PPP3CA: variants seen among roughly 807,000 people sequenced by gnomAD.
PPP3CA encodes CAM-PRP catalytic subunit.
In PPP3CA, 14 loss-of-function variants were observed where a neutral mutation model predicts 66.5. That is an observed-to-expected ratio of 0.21 (90% confidence interval 0.14 to 0.33). The LOEUF is 0.33. PPP3CA is among the 10% of genes least tolerant of loss of function. The pLI, the probability that PPP3CA is intolerant of heterozygous loss-of-function variation, is 1.00. For missense variants in PPP3CA, 317 were observed against 639.5 expected, an observed-to-expected ratio of 0.50 and a Z score of 5.44; for synonymous variants, 232 against 226.2, an observed-to-expected ratio of 1.03 and a Z score of -0.23.
At chr4:101,278,490 T>C (rs1727580896) in intron 1 of PPP3CA, among the ~76,000 whole-genome samples, 1 of 152,162 alleles carries the variant, frequency 6.6e-6, no homozygotes, top group Admixed American at 6.6e-5. Context: ...CCTCTCCATA[T>C]TGAACTTGGA....
chr4:101,132,427 G>A lies in PPP3CA; in HGVS notation c.260-23349C>T, dbSNP rs529754146. Among the ~76,000 whole-genome samples the A allele has an allele frequency of 2.7e-3, 418 of 152,208 alleles. 1 individual carries two copies. The highest frequency in any genetic ancestry group is 4.8e-3 in the Non-Finnish European group (329 of 68,014). Reference sequence around the variant, plus strand: ...AAATGATAAAGGGGTGATCACCACTGATCCCACAGAAATAAAAACTACCAT... The same window carrying A: ...AAATGATAAAGGGGTGATCACCACTAATCCCACAGAAATAAAAACTACCAT... On this transcript the variant is annotated intron_variant, in intron 2 of 13. Transcript: ENST00000394854.
chr4:101,136,279 G>A (rs895650488), intron 2 of PPP3CA, among the ~76,000 whole-genome samples: 2 of 152,114 alleles, frequency 1.3e-5, no homozygotes, highest in African/African-American at 4.8e-5. Context: ...CATCAGCCGG[G>A]TGTGTAATCC....
intron 1 of PPP3CA, among the ~76,000 whole-genome samples, chr4:101,322,955 A>C (rs1410689068): frequency 1.3e-5 from 2 of 152,198 alleles, no homozygotes; most frequent in African/African-American, 4.8e-5. Context: ...TACACTCAGC[A>C]TATATATGTG....
At chr4:101,178,399 C>A (rs1384817493) in intron 2 of PPP3CA, among the ~76,000 whole-genome samples, 2 of 152,052 alleles carry the variant, frequency 1.3e-5, no homozygotes, top group Non-Finnish European at 2.9e-5. Context: ...AGCAAAAAAT[C>A]AAAATCTGCT....
intron 1 of PPP3CA, among the ~76,000 whole-genome samples, chr4:101,210,699 T>C (rs1725273796): frequency 6.6e-6 from 1 of 152,196 alleles, no homozygotes; most frequent in Non-Finnish European, 1.5e-5. Context: ...CATAAAAATA[T>C]ATTTTGATTA....
intron 1 of PPP3CA, among the ~76,000 whole-genome samples, chr4:101,284,140 T>C (rs1217011641): frequency 6.6e-6 from 1 of 152,208 alleles, no homozygotes; most frequent in Non-Finnish European, 1.5e-5. Context: ...CCTCTTTTCG[T>C]AAACTGCTAG....
At chr4:101,315,257 C>T (rs920511995) in intron 1 of PPP3CA, among the ~76,000 whole-genome samples, 3 of 152,172 alleles carry the variant, frequency 2.0e-5, no homozygotes, top group Non-Finnish European at 4.4e-5. Context: ...CATGCTGGCA[C>T]CCTGACTTCC....
chr4:101,120,204 CAA>C (rs1191447318), intron 2 of PPP3CA, among the ~76,000 whole-genome samples: 1 of 151,990 alleles, frequency 6.6e-6, no homozygotes, highest in African/African-American at 2.4e-5. Context: ...AATATCCAAA[CAA>C]TGAATAAAAC....
At chr4:101,029,906 T>G (rs545941445) in intron 12 of PPP3CA, among the ~76,000 whole-genome samples, 24 of 151,870 alleles carry the variant, frequency 1.6e-4, no homozygotes, top group Non-Finnish European at 2.6e-4. Context: ...AATTATGTTT[T>G]CTTTTCCTTA....
intron 1 of PPP3CA, among the ~76,000 whole-genome samples, chr4:101,248,311 ATTCC>A (rs1432661990): frequency 6.6e-6 from 1 of 152,230 alleles, no homozygotes; most frequent in African/African-American, 2.4e-5. Flanking sequence ...CTAGATTAGA[ATTCC>A]TTCATGTAGT....
rs1411047086 is a variant in PPP3CA at position 101,083,329 on chromosome 4, C to CT, written c.783-67dup. On this transcript the variant is annotated intron_variant, in intron 6 of 13. Coordinates refer to ENST00000394854, the MANE Select transcript of PPP3CA (RefSeq NM_000944.5). ...ATCATCAGGAGTAGCACATTTATCT[C>CT]TAACATCCAGATCTATGTGACTGGA... is the stretch of plus-strand genomic sequence containing the variant. 6.0e-6 allele frequency: 8 copies of CT among 1,332,706 alleles called. No homozygotes were observed. In the African/African-American group the frequency reaches 1.2e-4, roughly 19 times the overall value. The allele number at this position is 1,332,706 out of a possible 1,614,324, so 82.6% of individuals were successfully genotyped here.
intron 2 of PPP3CA, among the ~76,000 whole-genome samples, chr4:101,141,454 C>G (rs532113412): frequency 6.6e-6 from 1 of 152,262 alleles, no homozygotes; most frequent in Admixed American, 6.5e-5. Context: ...GCTTCCCTCT[C>G]TCCTAGTCAT....
intron 1 of PPP3CA, among the ~76,000 whole-genome samples, chr4:101,275,081 C>T (rs1000184142): frequency 6.6e-6 from 1 of 152,108 alleles, no homozygotes; most frequent in Non-Finnish European, 1.5e-5. Context: ...TTCACTGACC[C>T]TACTTCCTCA....
intron 1 of PPP3CA, among the ~76,000 whole-genome samples, chr4:101,215,560 C>T (rs1725427911): frequency 6.6e-6 from 1 of 151,892 alleles, no homozygotes; most frequent in Non-Finnish European, 1.5e-5. Context: ...TAATTTGTTA[C>T]AGTGAAAGCA....
chr4:101,182,436 T>C (rs1038376864), intron 2 of PPP3CA, among the ~76,000 whole-genome samples: 9 of 152,156 alleles, frequency 5.9e-5, no homozygotes, highest in Non-Finnish European at 1.2e-4. Context: ...GAGCCTGCTC[T>C]TGAGCATTGT....
chr4:101,051,461 G>C (rs895478636), intron 10 of PPP3CA, among the ~76,000 whole-genome samples: 9 of 152,214 alleles, frequency 5.9e-5, no homozygotes, highest in African/African-American at 2.2e-4. Context: ...AGTACAAAGA[G>C]AATCAGAAAA....
rs185533095 is a variant in PPP3CA at position 101,080,909 on chromosome 4, T to C, written c.861-283A>G. On this transcript the variant is annotated intron_variant, in intron 7 of 13. Coordinates refer to ENST00000394854, the MANE Select transcript of PPP3CA (RefSeq NM_000944.5). ...GAGGGTGGAATTCATTGGAAAATCATAATTCATTTCCATGTGTTCAACAGA... is the reference window on the plus strand; with the variant it reads ...GAGGGTGGAATTCATTGGAAAATCACAATTCATTTCCATGTGTTCAACAGA... Among the ~76,000 whole-genome samples, 21 of 152,296 alleles carry C rather than the reference T, an allele frequency of 1.4e-4. No individual in the cohort carries two copies. The East Asian group carries it at 3.7e-3, about 27-fold the overall frequency.
At chr4:101,263,185 A>T (rs1727060098) in intron 1 of PPP3CA, among the ~76,000 whole-genome samples, 1 of 152,214 alleles carries the variant, frequency 6.6e-6, no homozygotes, top group Non-Finnish European at 1.5e-5. Context: ...AGGCAGCAGT[A>T]GCTATTGCAG....
chr4:101,037,793 C>G (rs113412035), intron 11 of PPP3CA, among the ~76,000 whole-genome samples: 4 of 152,284 alleles, frequency 2.6e-5, no homozygotes, highest in Non-Finnish European at 5.9e-5. Context: ...TCAAAACACT[C>G]AAGGATATGG....
Sources: gnomAD v4.1 joint callset for allele counts (sites outside exome capture counted in the v4.1 genomes callset) on GRCh38, gnomAD v4.1.1 for gene constraint, MANE v1.5 for transcripts, NCBI Gene and HGNC (gene_info 2026-07-23, HGNC 2026-07-21) for gene names.